Variants in RGS8 observed in about 807,000 individuals in gnomAD.
RGS8 encodes regulator of G protein signaling 8, also known as regulator of G-protein signaling 8.
RGS8 carries 8 observed loss-of-function variants against 21.7 expected under a neutral mutation model. The ratio of observed to expected loss-of-function variants is 0.37; its 90% CI spans 0.22 to 0.66. The LOEUF is 0.66. RGS8 is among the 30% of genes least tolerant of loss of function. The pLI is 0.59. For synonymous variants in RGS8, 80 were observed against 83.6 expected (o/e 0.96, Z 0.24); for missense variants, 157 against 217.9 (o/e 0.72, Z 1.76).
the RGS8 span, among the ~76,000 whole-genome samples, chr1:182,695,548 C>T: frequency 6.6e-6 from 1 of 152,132 alleles, no homozygotes; most frequent in Non-Finnish European, 1.5e-5. Context: ...ATTCGAACCC[C>T]TGGGCTCAAG....
chr1:182,679,558 A>G (rs1002705078), intron 1 of RGS8, among the ~76,000 whole-genome samples: 1 of 151,884 alleles, frequency 6.6e-6, no homozygotes, highest in East Asian at 1.9e-4. Context: ...TACTTGGGCA[A>G]TCTCATCCTT....
the RGS8 span, among the ~76,000 whole-genome samples, chr1:182,747,447 T>C: frequency 6.6e-6 from 1 of 152,128 alleles, no homozygotes; most frequent in Admixed American, 6.6e-5. Context: ...TGCTGTAACA[T>C]AAGGGGTAGA....
At chr1:182,642,301 C>T (rs1418354561), downstream of RGS8, 2 of 151,770 alleles carry the variant, frequency 1.3e-5, no homozygotes, top group East Asian at 3.9e-4. Flanking sequence ...TTTGCCACCT[C>T]TCTTGCTTCT....
chr1:182,731,632 A>C, the RGS8 span, among the ~76,000 whole-genome samples: 2 of 152,186 alleles, frequency 1.3e-5, no homozygotes, highest in East Asian at 3.8e-4. Flanking sequence ...ACAAACACAC[A>C]CACAGAAACT....
At chr1:182,736,279 A>G in the RGS8 span, among the ~76,000 whole-genome samples, 1 of 152,260 alleles carries the variant, frequency 6.6e-6, no homozygotes, top group Non-Finnish European at 1.5e-5. Context: ...ACTGTCCCCA[A>G]AAAGCAATTG....
chr1:182,732,384 T>A, the RGS8 span, among the ~76,000 whole-genome samples: 1 of 152,042 alleles, frequency 6.6e-6, no homozygotes, highest in Non-Finnish European at 1.5e-5. Context: ...AAACAGAACT[T>A]GTCCAACAGT....
chr1:182,690,252 C>T, the RGS8 span, among the ~76,000 whole-genome samples: 3 of 152,222 alleles, frequency 2.0e-5, no homozygotes, highest in African/African-American at 4.8e-5. Flanking sequence ...GCCCCCCTGA[C>T]ATCTCATAAC....
At chr1:182,727,538 C>G in the RGS8 span, among the ~76,000 whole-genome samples, 2 of 152,086 alleles carry the variant, frequency 1.3e-5, no homozygotes, top group Non-Finnish European at 2.9e-5. Context: ...AAAATAGAAC[C>G]TTTTCTTGAA....
the RGS8 span, among the ~76,000 whole-genome samples, chr1:182,697,820 A>G: frequency 6.6e-6 from 1 of 152,214 alleles, no homozygotes; most frequent in Non-Finnish European, 1.5e-5. Context: ...TAAAAACATA[A>G]TTCGTCTTTC....
the RGS8 span, among the ~76,000 whole-genome samples, chr1:182,731,659 C>G: frequency 6.6e-6 from 1 of 152,192 alleles, no homozygotes; most frequent in Admixed American, 6.5e-5. Flanking sequence ...CAATTCTCAA[C>G]AATGAGAGGC....
chr1:182,704,236 G>A, the RGS8 span, among the ~76,000 whole-genome samples: 2 of 152,194 alleles, frequency 1.3e-5, no homozygotes, highest in South Asian at 4.1e-4. Flanking sequence ...AATAGCCACA[G>A]AATCACTTCC....
At chr1:182,659,663 C>T (rs1303147184) in intron 5 of RGS8, among the ~76,000 whole-genome samples, 1 of 152,168 alleles carries the variant, frequency 6.6e-6, no homozygotes, top group Admixed American at 6.5e-5. Context: ...TGTGCCACTG[C>T]ACTCCAGCTT....
upstream of RGS8, among the ~76,000 whole-genome samples, chr1:182,676,807 A>G (rs910738214): frequency 9.9e-5 from 15 of 152,230 alleles, no homozygotes; most frequent in African/African-American, 3.6e-4. Flanking sequence ...AACTAGCTCC[A>G]TGACACTAAC....
chr1:182,707,475 T>G, the RGS8 span, among the ~76,000 whole-genome samples: 1 of 152,178 alleles, frequency 6.6e-6, no homozygotes, highest in African/African-American at 2.4e-5. Context: ...AATTTTATTT[T>G]AATATTTGTC....
At chr1:182,649,711 A>AT (rs1259354320) in intron 5 of RGS8, among the ~76,000 whole-genome samples, 1 of 152,136 alleles carries the variant, frequency 6.6e-6, no homozygotes, top group Non-Finnish European at 1.5e-5. Flanking sequence ...ATTTAAAAAT[A>AT]TTTTTTATTA....
chr1:182,742,949 A>T, the RGS8 span, among the ~76,000 whole-genome samples: 1 of 152,246 alleles, frequency 6.6e-6, no homozygotes, highest in South Asian at 2.1e-4. Flanking sequence ...TATGCTAAGG[A>T]AAACTTATTC....
the RGS8 span, among the ~76,000 whole-genome samples, chr1:182,723,447 T>TA: frequency 3.3e-5 from 5 of 152,200 alleles, no homozygotes; most frequent in Non-Finnish European, 5.9e-5. Flanking sequence ...GCTGGGAAGT[T>TA]TCTCTATGAC....
chr1:182,654,179 G>A (rs1269344960), intron 5 of RGS8, among the ~76,000 whole-genome samples: 1 of 152,194 alleles, frequency 6.6e-6, no homozygotes, highest in Admixed American at 6.5e-5. Flanking sequence ...GCAGGGCCAA[G>A]ATTCCTAGCC....
At chr1:182,740,567 T>G in the RGS8 span, among the ~76,000 whole-genome samples, 8 of 135,472 alleles carry the variant, frequency 5.9e-5, 1 homozygote, top group African/African-American at 1.1e-4. Flanking sequence ...TTTTTTTTTT[T>G]TTTTTTATTG....
Sources: gnomAD v4.1 joint callset for allele counts (sites outside exome capture counted in the v4.1 genomes callset) on GRCh38, gnomAD v4.1.1 for gene constraint, MANE v1.5 for transcripts, NCBI Gene and HGNC (gene_info 2026-07-23, HGNC 2026-07-21) for gene names.